USP34: variants seen among roughly 807,000 people sequenced by gnomAD.
USP34 encodes the protein ubiquitin specific peptidase 34.
A neutral mutation model predicts 460.3 loss-of-function variants in USP34; 70 were observed. That is an observed-to-expected ratio of 0.15 (90% CI 0.13 to 0.19). USP34 has a LOEUF of 0.19. Among genes scored for constraint, USP34 ranks in the 10% least tolerant of loss-of-function variants. The probability of loss-of-function intolerance (pLI) is 1.00; values close to 1 mark genes in which losing one functional copy is unlikely to be tolerated. For synonymous variants in USP34, 1,647 were observed against 1,405.3 expected (o/e 1.17, Z -3.85); for missense variants, 3,985 against 4,236.2 (o/e 0.94, Z 1.65).
chr2:61,367,068 A>G (rs557232046), intron 10 of USP34, among the ~76,000 whole-genome samples: 20 of 152,278 alleles, frequency 1.3e-4, no homozygotes, highest in African/African-American at 4.8e-4. Context: ...GACCCACAAC[A>G]TAAAAAATCC....
At chr2:61,406,247 T>G in intron 2 of USP34, 119 bp from the exon 3 acceptor site, 1 of 925,704 alleles carries the variant, frequency 1.1e-6, no homozygotes, top group Non-Finnish European at 1.5e-6. Flanking sequence ...TATTTTTTCC[T>G]TCCTGCTGGG....
intron 51 of USP34, among the ~76,000 whole-genome samples, chr2:61,243,472 A>G (rs923040081): frequency 1.3e-5 from 2 of 152,080 alleles, no homozygotes; most frequent in Non-Finnish European, 2.9e-5. Flanking sequence ...AAGATACTTT[A>G]CCATAAAATA....
chr2:61,381,383 C>T (rs1407139358), intron 6 of USP34, among the ~76,000 whole-genome samples: 1 of 152,052 alleles, frequency 6.6e-6, no homozygotes, highest in East Asian at 1.9e-4. Flanking sequence ...TTGTCACTCA[C>T]GCTGGAGTGC....
At chr2:61,405,045 G>A (rs1693826658) in intron 3 of USP34, among the ~76,000 whole-genome samples, 1 of 151,736 alleles carries the variant, frequency 6.6e-6, no homozygotes, top group East Asian at 1.9e-4. Context: ...GGCTAACACG[G>A]TGAAACCCCG....
intron 10 of USP34, among the ~76,000 whole-genome samples, chr2:61,356,174 G>T (rs1692095495): frequency 8.0e-6 from 1 of 125,548 alleles, no homozygotes; most frequent in South Asian, 2.7e-4. Flanking sequence ...ACAGATGAAT[G>T]AATTTAAAAA....
chr2:61,285,530 G>T (rs1326991822), intron 34 of USP34, among the ~76,000 whole-genome samples: 2 of 145,898 alleles, frequency 1.4e-5, no homozygotes, highest in African/African-American at 5.1e-5. Context: ...AAAAAGAAAA[G>T]AAATTACTAA....
chr2:61,411,521 C>T (rs977413116), intron 2 of USP34, among the ~76,000 whole-genome samples: 2 of 152,096 alleles, frequency 1.3e-5, no homozygotes, highest in Non-Finnish European at 1.5e-5. Context: ...TTGAAATATA[C>T]TTCTTTTAAA....
intron 67 of USP34, among the ~76,000 whole-genome samples, chr2:61,216,367 A>G (rs368629049): frequency 2.6e-5 from 4 of 152,060 alleles, no homozygotes; most frequent in Non-Finnish European, 5.9e-5. Flanking sequence ...TTGGGAGGCC[A>G]AGGCGGGCGG....
At chr2:61,304,142 C>G (rs1285018209) in intron 27 of USP34, among the ~76,000 whole-genome samples, 3 of 152,122 alleles carry the variant, frequency 2.0e-5, no homozygotes, top group Non-Finnish European at 4.4e-5. Flanking sequence ...AAATGATCCG[C>G]CTGCCTTGGC....
At chr2:61,406,917 G>A (rs150436278) in intron 2 of USP34, among the ~76,000 whole-genome samples, 1,976 of 152,118 alleles carry the variant, frequency 0.013, 44 homozygotes, top group African/African-American at 0.046. Flanking sequence ...GGCTGAGGTA[G>A]GAGAATCACT....
At chr2:61,392,380 T>C (rs1048404909) in intron 5 of USP34, among the ~76,000 whole-genome samples, 4 of 152,096 alleles carry the variant, frequency 2.6e-5, no homozygotes, top group African/African-American at 7.2e-5. Context: ...TCCCAGCACT[T>C]TGGGAGGCCG....
chr2:61,358,804 A>G (rs985830986), intron 10 of USP34, among the ~76,000 whole-genome samples: 4 of 152,230 alleles, frequency 2.6e-5, no homozygotes, highest in African/African-American at 7.2e-5. Context: ...AAAATCAGCT[A>G]TATTTCTATA....
intron 15 of USP34, among the ~76,000 whole-genome samples, chr2:61,346,573 C>T (rs989445291): frequency 1.4e-5 from 2 of 144,254 alleles, no homozygotes; most frequent in African/African-American, 2.6e-5. Flanking sequence ...CAGTGGCTCA[C>T]GCCTGCAATC....
At chr2:61,249,021 C>T (rs539732772) in intron 48 of USP34, among the ~76,000 whole-genome samples, 3 of 152,080 alleles carry the variant, frequency 2.0e-5, no homozygotes, top group East Asian at 3.9e-4. Context: ...GCAACCTCAT[C>T]GTATGTTTTC....
At position 61,307,289 on chromosome 2, in the gene USP34, G is replaced by A. The variant is rs370144113; in HGVS notation, c.3817+4251C>T. Among the ~76,000 whole-genome samples the A allele has an allele frequency of 9.0e-5, 12 of 134,004 alleles. No homozygotes were observed. The East Asian group carries it at 2.9e-3, about 32-fold the overall frequency. The allele number at this position is 134,004 out of a possible 152,430, so 87.9% of individuals were successfully genotyped here. On this transcript the variant is annotated intron_variant, in intron 27 of 79. Coordinates refer to ENST00000398571, the MANE Select transcript of USP34 (RefSeq NM_014709.4). Reference sequence around the variant, plus strand: ...ATGAGAACACTTGGACACAAGAAGGGGAACATCACACACCGGGGCCTGTCA... The same window carrying A: ...ATGAGAACACTTGGACACAAGAAGGAGAACATCACACACCGGGGCCTGTCA...
intron 1 of USP34, among the ~76,000 whole-genome samples, chr2:61,439,034 C>T (rs1304959710): frequency 6.6e-6 from 1 of 152,114 alleles, no homozygotes; most frequent in African/African-American, 2.4e-5. Flanking sequence ...CAATACACTA[C>T]CTGAAAAGAA....
chr2:61,349,261 G>C lies in USP34; in HGVS notation c.1532C>G (p.Ala511Gly). ...AAGGCTCAACTTACAAGGTGATGGAGCTGTTCTTCTAAGCTCTTCTTCCTC... is the reference window on the plus strand; with the variant it reads ...AAGGCTCAACTTACAAGGTGATGGACCTGTTCTTCTAAGCTCTTCTTCCTC... ...KKEEEELRRT[A>G]PSPWSPAASP... Residue 511 changes from alanine (A) to glycine (G), a missense_variant, in exon 13 of 80, where the codon GCT becomes GGT. Coordinates refer to ENST00000398571, the MANE Select transcript of USP34 (RefSeq NM_014709.4). The C allele has an allele frequency of 6.2e-7, 1 of 1,613,474 alleles. No individual in the cohort carries two copies.
chr2:61,196,846 T>A (rs1430375755), intron 75 of USP34, among the ~76,000 whole-genome samples: 1 of 152,160 alleles, frequency 6.6e-6, no homozygotes, highest in East Asian at 1.9e-4. Context: ...TATAAAGCAA[T>A]CTCTATATCT....
rs748841847 is a variant in USP34 at position 61,188,334 on chromosome 2, G to A, written c.10409C>T (p.Ser3470Phe). The change falls in exon 80 of 80, where the codon TCT becomes TTT. Residue 3470 changes from serine (S) to phenylalanine (F), a missense_variant. Physicochemically the swap from Ser to Phe is radical, Grantham distance 155. This residue lies in a region of USP34 where 506 missense variants were observed against 439.0 expected (regional missense o/e 1.15). Transcript: ENST00000398571. ...AGACAGAACTGCAGAGATAGAAGTA[G>A]AAGGGAACTCAGATTCTTCCTCAGC... ...TLAEEESEFP[S>F]TSISAVLSDL... 1.9e-6 allele frequency: 3 copies of A among 1,613,658 alleles called. No individual in the cohort carries two copies. In the South Asian group the frequency reaches 3.3e-5, roughly 18 times the overall value.
Sources: allele counts gnomAD v4.1 joint callset (sites outside exome capture counted in the v4.1 genomes callset), GRCh38; gene constraint gnomAD v4.1.1; regional missense constraint gnomAD v4.1.1; transcripts MANE v1.5; gene names NCBI Gene and HGNC (gene_info 2026-07-23, HGNC 2026-07-21).